PLOD3: variants seen among roughly 807,000 people sequenced by gnomAD.
The protein encoded by PLOD3 is procollagen-lysine,2-oxoglutarate 5-dioxygenase 3.
In PLOD3, 73 loss-of-function variants were observed where a neutral mutation model predicts 96.9. The ratio of observed to expected loss-of-function variants is 0.75; its 90% confidence interval spans 0.62 to 0.92. The LOEUF (loss-of-function observed/expected upper bound fraction) is 0.92. Ranked by LOEUF, PLOD3 falls within the 40% of genes least tolerant of loss-of-function variation. The pLI is 0.00. For synonymous variants in PLOD3, 454 were observed against 413.7 expected (o/e 1.10, Z -1.18); for missense variants, 1,004 against 1,004.3 (o/e 1.00, Z 0.00).
intron 8 of PLOD3, 87 bp downstream of exon 8, chr7:101,212,755 G>A (rs1798206494): frequency 1.3e-6 from 2 of 1,567,226 alleles, no homozygotes; most frequent in African/African-American, 1.4e-5. Flanking sequence ...CAGGAGCGAT[G>A]CCCCCACCGC....
chr7:101,216,272 C>A lies in PLOD3; in HGVS notation c.393G>T (p.Gln131His), dbSNP rs1351137791. The change falls in exon 4 of 19, where the codon CAG becomes CAT. Residue 131 changes from glutamine to histidine, a missense_variant. This residue lies in a region of PLOD3 where 690 missense variants were observed against 650.2 expected (regional missense o/e 1.06). Transcript: ENST00000223127. Reference protein sequence around the residue: ...SPTELLKKFVQSGSRLLFSAE... With the variant: ...SPTELLKKFVHSGSRLLFSAE... ...CAGAGAAGAGCAGGCGGCTGCCACTCTGGACGAACTTCTTCAGCAGCTCTG... is the reference window on the plus strand; with the variant it reads ...CAGAGAAGAGCAGGCGGCTGCCACTATGGACGAACTTCTTCAGCAGCTCTG... The A allele has an allele frequency of 5.0e-6, 8 of 1,613,532 alleles. No homozygotes were observed. Among genetic ancestry groups the A allele is most frequent in the Non-Finnish European group, 6.8e-6 (8 of 1,180,042 alleles).
chr7:101,208,821 A>G (rs1319385711), intron 16 of PLOD3, 32 bp downstream of exon 16: 1 of 1,365,454 alleles, frequency 7.3e-7, no homozygotes, highest in Non-Finnish European at 1.0e-6. Context: ...CTCCTCTGGG[A>G]AGGCCTCTGC....
In PLOD3 at chr7:101,212,798, A is replaced by G. The variant is rs373843706; in HGVS notation, c.879+44T>C. ...TCCGCTGTCCTTGTACCTCCTGCTCAGCACGCTGCCCTCTCGTGCCCCTCC... is the reference window on the plus strand; with the variant it reads ...TCCGCTGTCCTTGTACCTCCTGCTCGGCACGCTGCCCTCTCGTGCCCCTCC... On this transcript the variant is annotated intron_variant, in intron 8 of 18. Coordinates refer to ENST00000223127, the MANE Select transcript of PLOD3 (RefSeq NM_001084.5). 43 of 1,564,734 alleles carry G rather than the reference A, an allele frequency of 2.7e-5. No individual in the cohort carries two copies. In the African/African-American group the frequency reaches 5.3e-4, roughly 19 times the overall value.
At chr7:101,216,056 C>T (rs759200481) in intron 4 of PLOD3, 36 bp from the exon 5 acceptor site, 1 of 1,606,582 alleles carries the variant, frequency 6.2e-7, no homozygotes, top group Non-Finnish European at 8.5e-7. Context: ...TCGAGACTCC[C>T]AGGGTCCCAG....
chr7:101,209,954 C>T, intron 15 of PLOD3, 139 bp downstream of exon 15: 1 of 606,634 alleles, frequency 1.6e-6, no homozygotes, highest in Non-Finnish European at 3.0e-6. Flanking sequence ...TCTGTTCGGC[C>T]TCTGCCTTCA....
intron 8 of PLOD3, 28 bp downstream of exon 8, chr7:101,212,814 G>A (rs773940100): frequency 4.4e-6 from 7 of 1,582,482 alleles, no homozygotes; most frequent in South Asian, 2.2e-5. Flanking sequence ...CTGCCCTCTC[G>A]TGCCCCTCCC....
Position 101,217,527 on chromosome 7 carries a change from G to T in PLOD3, c.-253C>A. On this transcript the variant is annotated 5_prime_UTR_variant, in exon 1 of 19. Coordinates refer to ENST00000223127, the MANE Select transcript of PLOD3 (RefSeq NM_001084.5). ...GGAGGCGGGGGAGGGGCGGCGGCTC[G>T]GGCCGGCGGGCGGGAGACAGGGACT... 1 of 474,590 alleles carries T rather than the reference G, an allele frequency of 2.1e-6. No individual in the cohort carries two copies. The highest frequency in any genetic ancestry group is 3.7e-6 in the Non-Finnish European group (1 of 270,992). The allele number at this position is 474,590 out of a possible 1,614,324, so 29.4% of individuals were successfully genotyped here.
rs1344438354 is a variant in PLOD3 at position 101,215,058 on chromosome 7, A to C, written c.679+31T>G. ...AGACCCCTAGCTGCAGAGGCTGCGC[A>C]TCGCCCACCTGCGGCTGTCTTCCTC... On this transcript the variant is annotated intron_variant, in intron 6 of 18. Coordinates refer to ENST00000223127, the MANE Select transcript of PLOD3 (RefSeq NM_001084.5). The C allele has an allele frequency of 1.9e-6, 3 of 1,549,970 alleles. No individual in the cohort carries two copies. The African/African-American group carries it at 4.1e-5, about 21-fold the overall frequency.
In PLOD3 at chr7:101,216,262, G is replaced by A. The variant is rs199668947; in HGVS notation, c.403C>T (p.Arg135Cys). The change falls in exon 4 of 19, where the codon CGC becomes TGC. Residue 135 changes from arginine (R) to cysteine (C), a missense_variant. This residue lies in a region of PLOD3 where 690 missense variants were observed against 650.2 expected (regional missense o/e 1.06). Coordinates refer to ENST00000223127, the MANE Select transcript of PLOD3 (RefSeq NM_001084.5). The stretch of plus-strand genomic sequence containing the variant: ...AAGCTCTCTGCAGAGAAGAGCAGGC[G>A]GCTGCCACTCTGGACGAACTTCTTC... ...LLKKFVQSGS[R>C]LLFSAESFCW... is the part of the protein sequence containing the mutation. 152 of 1,613,540 alleles carry A rather than the reference G, an allele frequency of 9.4e-5. No homozygotes were observed. In the East Asian group the frequency reaches 2.4e-3, roughly 26 times the overall value.
chr7:101,216,618 G>T (rs1230534966), intron 2 of PLOD3, 72 bp from the exon 3 acceptor site: 1 of 1,608,844 alleles, frequency 6.2e-7, no homozygotes, highest in Non-Finnish European at 8.5e-7. Context: ...CAGGCTTACC[G>T]TGGGGACCTG....
rs140792992 is a variant in PLOD3 at position 101,206,362 on chromosome 7, G to A, written c.2136C>T (p.Pro712=). Residue 712 remains proline (P), a synonymous_variant, in exon 19 of 19, where the codon CCC becomes CCT. Coordinates refer to ENST00000223127, the MANE Select transcript of PLOD3 (RefSeq NM_001084.5). ...CCTCGTGGTAGTGGGTGAGGCGGCCGGGGTGCAGGAGTGCCCAGCCCTTCC... is the reference window on the plus strand; with the variant it reads ...CCTCGTGGTAGTGGGTGAGGCGGCCAGGGTGCAGGAGTGCCCAGCCCTTCC... ...SPRKGWALLH[P]GRLTHYHEGL... The A allele has an allele frequency of 7.9e-5, 128 of 1,613,736 alleles. No individual in the cohort carries two copies. Among genetic ancestry groups the A allele is most frequent in the African/African-American group, 4.9e-4 (37 of 75,040 alleles).
In PLOD3 at chr7:101,217,431, C is replaced by T; in HGVS notation, c.-157G>A. 3 of 657,406 alleles carry T rather than the reference C, an allele frequency of 4.6e-6. No individual in the cohort carries two copies. Among genetic ancestry groups the T allele is most frequent in the Non-Finnish European group, 6.8e-6 (3 of 438,624 alleles). The allele number at this position is 657,406 out of a possible 1,614,324, so 40.7% of individuals were successfully genotyped here. On this transcript the variant is annotated 5_prime_UTR_variant, in exon 1 of 19. Coordinates refer to ENST00000223127, the MANE Select transcript of PLOD3 (RefSeq NM_001084.5). ...CTGGGGCTACGCCCTGAAAAAAAGG[C>T]GTATCCGGAGGCTACAGAAAGCTCC...
chr7:101,212,285 A>G lies in PLOD3; in HGVS notation c.1095T>C (p.Ala365=). The change falls in exon 10 of 19, where the codon GCT becomes GCC. Residue 365 remains alanine (A), a synonymous_variant. Transcript: ENST00000223127. ...SAVKLVGPEE[A]LSPGEARDMA... ...TGTCCCTGGCCTCGCCTGGGCTCAG[A>G]GCCTCCTCCGGCCCCACGAGCTTCA... 1 of 1,613,656 alleles carries G rather than the reference A, an allele frequency of 6.2e-7. No homozygotes were observed.
At chr7:101,211,292 A>G (rs1188690956) in intron 12 of PLOD3, 2 of 328,168 alleles carry the variant, frequency 6.1e-6, no homozygotes, top group East Asian at 1.2e-4. Context: ...TGATTCTCCC[A>G]CCTCAGCCTC....
rs200743578 is a variant in PLOD3, at chr7:101,212,834, C to T, written c.879+8G>A. On this transcript the variant is annotated splice_region_variant and intron_variant, in intron 8 of 18. Transcript: ENST00000223127. ...CTCTCGTGCCCCTCCCTGGCACCCC[C>T]ACCTCACCTGCCCCCCCGGGAGTGT... 3.7e-6 allele frequency: 6 copies of T among 1,605,612 alleles called. No homozygotes were observed. The Admixed American group carries it at 1.0e-4, about 27-fold the overall frequency.
intron 15 of PLOD3, 119 bp from the exon 16 acceptor site, chr7:101,209,076 G>A (rs1175554268): frequency 2.7e-5 from 21 of 763,896 alleles, no homozygotes; most frequent in Admixed American, 1.6e-4. Flanking sequence ...GAGAGCAGCC[G>A]GGGACCCGCC....
rs764359429 is a variant in PLOD3 at position 101,206,068 on chromosome 7, G to A, written c.*213C>T. 3.9e-5 allele frequency: 25 copies of A among 634,524 alleles called. No homozygotes were observed. Among genetic ancestry groups the A allele is most frequent in the African/African-American group, 3.8e-4 (21 of 54,840 alleles). 39.3% of individuals were successfully genotyped at this position (634,524 alleles called of 1,614,324 possible). On this transcript the variant is annotated 3_prime_UTR_variant, in exon 19 of 19. Coordinates refer to ENST00000223127, the MANE Select transcript of PLOD3 (RefSeq NM_001084.5). ...GAGTCCCCAGAAGCCCTGTGCCCAC[G>A]AACCCCTGTGGGCGGAGGAGAGAGG...
At chr7:101,211,518 G>C (rs952876939) in intron 12 of PLOD3, 73 bp downstream of exon 12, 3 of 1,493,484 alleles carry the variant, frequency 2.0e-6, no homozygotes, top group Non-Finnish European at 2.7e-6. Flanking sequence ...CCAAACCCCT[G>C]AGAGTAGGGG....
In PLOD3 at chr7:101,212,287, C is replaced by G; in HGVS notation, c.1093G>C (p.Ala365Pro). The G allele has an allele frequency of 6.2e-7, 1 of 1,613,656 alleles. No individual in the cohort carries two copies. The highest frequency in any genetic ancestry group is 8.5e-7 in the Non-Finnish European group (1 of 1,179,986). Residue 365 changes from alanine to proline, a missense_variant, in exon 10 of 19, where the codon GCT (alanine) becomes CCT (proline). By Grantham distance (27) the Ala-to-Pro change is conservative. Coordinates refer to ENST00000223127, the MANE Select transcript of PLOD3 (RefSeq NM_001084.5). ...TCCCTGGCCTCGCCTGGGCTCAGAG[C>G]CTCCTCCGGCCCCACGAGCTTCACA... Reference protein sequence around the residue: ...SAVKLVGPEEALSPGEARDMA... With the variant: ...SAVKLVGPEEPLSPGEARDMA...
Sources: gnomAD v4.1 joint callset for allele counts on GRCh38, gnomAD v4.1.1 for gene constraint, gnomAD v4.1.1 regional missense constraint, MANE v1.5 for transcripts, NCBI Gene and HGNC (gene_info 2026-07-23, HGNC 2026-07-21) for gene names.